NAALADL2: variants seen among roughly 807,000 people sequenced by gnomAD.
NAALADL2 encodes N-acetylated alpha-linked acidic dipeptidase like 2.
Under a neutral mutation model 87.2 loss-of-function variants are expected in NAALADL2, and 76 were observed. The observed-to-expected ratio is 0.87, with a 90% CI of 0.72 to 1.05. The LOEUF is 1.05. Among genes scored for constraint, NAALADL2 ranks in the 50% least tolerant of loss-of-function variants. The probability of loss-of-function intolerance (pLI) is 0.00; values close to 1 mark genes in which losing one functional copy is unlikely to be tolerated. For missense variants in NAALADL2, 1,089 were observed against 945.8 expected, an observed-to-expected ratio of 1.15 and a Z score of -1.99; for synonymous variants, 354 against 331.0, an observed-to-expected ratio of 1.07 and a Z score of -0.75.
chr3:175,014,800 A>G (rs77471896), intron 1 of NAALADL2, among the ~76,000 whole-genome samples: 6,082 of 152,168 alleles, frequency 0.04, 261 homozygotes, highest in East Asian at 0.2. Flanking sequence ...TGTAAAATTC[A>G]TATTGCACAT....
chr3:175,317,519 C>T (rs1384588623), intron 4 of NAALADL2, among the ~76,000 whole-genome samples: 3 of 151,922 alleles, frequency 2.0e-5, no homozygotes, highest in South Asian at 2.1e-4. Flanking sequence ...TTTGGCCATC[C>T]CGCTGGTAAA....
intron 2 of NAALADL2, among the ~76,000 whole-genome samples, chr3:174,620,793 C>T (rs1515601): frequency 0.65 from 98,212 of 151,814 alleles, 32,987 homozygotes; most frequent in East Asian, 0.86. Context: ...CAAAGATATT[C>T]AAATAAATCT....
intron 9 of NAALADL2, among the ~76,000 whole-genome samples, chr3:175,523,203 A>G (rs987775601): frequency 1.5e-4 from 23 of 152,228 alleles, no homozygotes; most frequent in South Asian, 2.1e-4. Context: ...GATTTTATTT[A>G]GTTGTAATAA....
At chr3:174,575,076 T>C (rs1489563255) in intron 2 of NAALADL2, among the ~76,000 whole-genome samples, 1 of 152,088 alleles carries the variant, frequency 6.6e-6, no homozygotes, top group Non-Finnish European at 1.5e-5. Flanking sequence ...ATTTAACTTT[T>C]TAAGAAACTG....
At chr3:175,779,334 A>T (rs1487580941) in intron 13 of NAALADL2, among the ~76,000 whole-genome samples, 1 of 152,186 alleles carries the variant, frequency 6.6e-6, no homozygotes, top group Non-Finnish European at 1.5e-5. Flanking sequence ...GATCTCTTAC[A>T]TGGGAAACAG....
chr3:174,974,265 A>T (rs1744071213), intron 1 of NAALADL2, among the ~76,000 whole-genome samples: 1 of 152,202 alleles, frequency 6.6e-6, no homozygotes, highest in African/African-American at 2.4e-5. Context: ...TGAAGGATAA[A>T]CACCCTTTAG....
chr3:175,007,979 A>C (rs190198562), intron 1 of NAALADL2, among the ~76,000 whole-genome samples: 2 of 152,248 alleles, frequency 1.3e-5, no homozygotes, highest in Admixed American at 1.3e-4. Context: ...TAGCATATAC[A>C]ATGTAGATAC....
intron 1 of NAALADL2, among the ~76,000 whole-genome samples, chr3:174,919,276 G>A (rs1734821440): frequency 1.3e-5 from 2 of 152,178 alleles, no homozygotes; most frequent in Non-Finnish European, 2.9e-5. Flanking sequence ...TCTGTAAAAT[G>A]CAATGCTATT....
chr3:175,618,853 C>T (rs746639538), intron 10 of NAALADL2, among the ~76,000 whole-genome samples: 5 of 152,118 alleles, frequency 3.3e-5, no homozygotes, highest in African/African-American at 9.7e-5. Context: ...TGTTGGTAAC[C>T]TTTGGGTTCC....
At chr3:175,584,029 A>G (rs1222989066) in intron 10 of NAALADL2, among the ~76,000 whole-genome samples, 2 of 147,218 alleles carry the variant, frequency 1.4e-5, no homozygotes, top group Non-Finnish European at 3.0e-5. Context: ...GGAAGGTACT[A>G]TTGTCACTAC....
At chr3:175,158,673 A>C (rs1197420550) in intron 2 of NAALADL2, among the ~76,000 whole-genome samples, 2 of 152,132 alleles carry the variant, frequency 1.3e-5, no homozygotes, top group Non-Finnish European at 2.9e-5. Context: ...TCTGAGCTCC[A>C]ATGTTTAAAA....
intron 3 of NAALADL2, among the ~76,000 whole-genome samples, chr3:174,799,169 C>CA (rs3040101): frequency 0.22 from 27,458 of 124,896 alleles, 2,644 homozygotes; most frequent in East Asian, 0.4. Context: ...GACTCTGTCT[C>CA]AAAAAAAAAA....
In NAALADL2 at chr3:175,778,475, AG is replaced by A. The variant is rs144560345; in HGVS notation, c.2189+23059del. On this transcript the variant is annotated intron_variant, in intron 13 of 13. Transcript: ENST00000454872. The stretch of plus-strand genomic sequence containing the variant: ...CTTTTGGAAAAACTCTTTCCTGGGC[AG>A]GAGATGTCATCTGATGGTCTCACAG... Among the ~76,000 whole-genome samples the A allele has an allele frequency of 7.2e-3, 1,091 of 152,312 alleles. 12 individuals are homozygous for A. Among genetic ancestry groups the A allele is most frequent in the African/African-American group, 0.024 (1,004 of 41,572 alleles).
At chr3:175,710,409 G>T (rs922127174) in intron 11 of NAALADL2, among the ~76,000 whole-genome samples, 2 of 151,870 alleles carry the variant, frequency 1.3e-5, no homozygotes, top group African/African-American at 2.4e-5. Context: ...CGCAAAAAAG[G>T]CCAGATAGAC....
intron 2 of NAALADL2, among the ~76,000 whole-genome samples, chr3:174,674,958 T>C (rs1726913150): frequency 1.3e-5 from 2 of 152,132 alleles, no homozygotes; most frequent in South Asian, 4.1e-4. Context: ...TAAGAAAATG[T>C]TTCTCACCTT....
At position 175,148,261 on chromosome 3, in the gene NAALADL2, T is replaced by C. The variant is rs374116058; in HGVS notation, c.545+50970T>C. 2.4e-3 allele frequency among the ~76,000 whole-genome samples: 358 copies of C among 151,986 alleles called. 3 individuals are homozygous for C. The highest frequency in any genetic ancestry group is 8.4e-3 in the African/African-American group (349 of 41,530). On this transcript the variant is annotated intron_variant, in intron 2 of 13. Transcript: ENST00000454872. ...CTTGTATGTCTTATTTTGAGAAGTG[T>C]CTGCTCATTTTTTGCCTACTTTTTA... is the stretch of plus-strand genomic sequence containing the variant.
At chr3:175,150,503 A>G (rs1077582) in intron 2 of NAALADL2, among the ~76,000 whole-genome samples, 43,315 of 152,046 alleles carry the variant, frequency 0.28, 6,625 homozygotes, top group South Asian at 0.35. Context: ...GCAATATCTT[A>G]TATGGTGAGT....
chr3:174,692,637 A>G (rs1474233268), intron 2 of NAALADL2, among the ~76,000 whole-genome samples: 1 of 152,100 alleles, frequency 6.6e-6, no homozygotes, highest in Non-Finnish European at 1.5e-5. Flanking sequence ...GGTACCACCA[A>G]AAAAGAATGT....
chr3:174,547,045 A>G (rs1722819045), intron 1 of NAALADL2, among the ~76,000 whole-genome samples: 1 of 152,186 alleles, frequency 6.6e-6, no homozygotes, highest in Non-Finnish European at 1.5e-5. Flanking sequence ...CAAAGAGAAG[A>G]GTAAGGCATT....
Sources: gnomAD v4.1 joint callset for allele counts (sites outside exome capture counted in the v4.1 genomes callset) on GRCh38, gnomAD v4.1.1 for gene constraint, MANE v1.5 for transcripts, NCBI Gene and HGNC (gene_info 2026-07-23, HGNC 2026-07-21) for gene names.